ST6GALNAC5: variants seen among roughly 807,000 people sequenced by gnomAD.
ST6GALNAC5 encodes ST6 N-acetylgalactosaminide alpha-2,6-sialyltransferase 5, also known as alpha-N-acetylgalactosaminide alpha-2,6-sialyltransferase 5.
A neutral mutation model predicts 33.6 loss-of-function variants in ST6GALNAC5; 27 were observed. The observed-to-expected ratio is 0.80, with a 90% confidence interval of 0.59 to 1.11. The LOEUF is 1.11. Ranked by LOEUF, ST6GALNAC5 falls within the 50% of genes least tolerant of loss-of-function variation. The pLI is 0.00. For missense variants in ST6GALNAC5, 428 were observed against 454.0 expected, an observed-to-expected ratio of 0.94 and a Z score of 0.52; for synonymous variants, 194 against 171.2, an observed-to-expected ratio of 1.13 and a Z score of -1.04.
At chr1:76,968,669 C>T (rs1648607115) in intron 2 of ST6GALNAC5, among the ~76,000 whole-genome samples, 1 of 152,136 alleles carries the variant, frequency 6.6e-6, no homozygotes, top group African/African-American at 2.4e-5. Context: ...CAGTTTCTTC[C>T]TAGCATTGAT....
At chr1:76,962,191 T>A (rs146576709) in intron 2 of ST6GALNAC5, among the ~76,000 whole-genome samples, 27 of 152,288 alleles carry the variant, frequency 1.8e-4, no homozygotes, top group African/African-American at 6.5e-4. Flanking sequence ...AAGATGAAAG[T>A]TGAGGAAGAA....
At chr1:76,898,300 C>T (rs1646776964) in intron 2 of ST6GALNAC5, among the ~76,000 whole-genome samples, 1 of 152,178 alleles carries the variant, frequency 6.6e-6, no homozygotes. Flanking sequence ...CTTTGGAGTT[C>T]TTGTGTGCTG....
At chr1:76,955,044 G>A (rs1290235138) in intron 2 of ST6GALNAC5, among the ~76,000 whole-genome samples, 1 of 152,140 alleles carries the variant, frequency 6.6e-6, no homozygotes, top group Non-Finnish European at 1.5e-5. Context: ...CCAGTGAAGA[G>A]GTGGACAGTG....
chr1:77,040,670 G>A (rs1651803219), intron 2 of ST6GALNAC5, among the ~76,000 whole-genome samples: 1 of 152,182 alleles, frequency 6.6e-6, no homozygotes, highest in African/African-American at 2.4e-5. Flanking sequence ...ATTAATTAAG[G>A]GGAAAGAGAT....
chr1:76,951,415 G>A (rs931857599), intron 2 of ST6GALNAC5, among the ~76,000 whole-genome samples: 3 of 152,084 alleles, frequency 2.0e-5, no homozygotes, highest in Non-Finnish European at 4.4e-5. Flanking sequence ...ATAAGTGGGA[G>A]TTGAGCAATT....
chr1:76,922,226 T>C (rs547204312), intron 2 of ST6GALNAC5, among the ~76,000 whole-genome samples: 13 of 152,262 alleles, frequency 8.5e-5, no homozygotes, highest in Non-Finnish European at 1.5e-4. Context: ...ACGATGAACA[T>C]GTGGAAATAG....
chr1:76,898,583 C>T (rs1180640680), intron 2 of ST6GALNAC5, among the ~76,000 whole-genome samples: 2 of 152,070 alleles, frequency 1.3e-5, no homozygotes, highest in Non-Finnish European at 2.9e-5. Flanking sequence ...GCCGAACGAG[C>T]CATGAACTGG....
intron 2 of ST6GALNAC5, among the ~76,000 whole-genome samples, chr1:76,871,716 C>T (rs376722811): frequency 1.8e-4 from 28 of 152,238 alleles, no homozygotes; most frequent in African/African-American, 6.7e-4. Flanking sequence ...TGGTCATATT[C>T]TCTACTTCCT....
intron 2 of ST6GALNAC5, among the ~76,000 whole-genome samples, chr1:76,974,262 G>T (rs147790315): frequency 0.011 from 1,614 of 145,522 alleles, 34 homozygotes; most frequent in African/African-American, 0.038. Flanking sequence ...TCCCAGGCTG[G>T]ATTGCAATGG....
chr1:76,914,435 A>C (rs2100286532), intron 2 of ST6GALNAC5, among the ~76,000 whole-genome samples: 1 of 152,342 alleles, frequency 6.6e-6, no homozygotes, highest in East Asian at 1.9e-4. Context: ...ACCTGACTTC[A>C]AACTCTACTA....
intron 2 of ST6GALNAC5, among the ~76,000 whole-genome samples, chr1:76,932,387 AG>A (rs1647152967): frequency 6.6e-6 from 1 of 152,138 alleles, no homozygotes; most frequent in Non-Finnish European, 1.5e-5. Context: ...GATGCGTCAC[AG>A]GTGTGGGGGA....
intron 2 of ST6GALNAC5, among the ~76,000 whole-genome samples, chr1:77,017,671 C>A (rs973439167): frequency 6.6e-6 from 1 of 152,054 alleles, no homozygotes; most frequent in Non-Finnish European, 1.5e-5. Context: ...AGGTTTGTGT[C>A]CTTATGTTGT....
intron 2 of ST6GALNAC5, among the ~76,000 whole-genome samples, chr1:76,987,347 G>A (rs550978514): frequency 3.0e-4 from 45 of 152,132 alleles, no homozygotes; most frequent in African/African-American, 9.2e-4. Flanking sequence ...GATTTTCAGC[G>A]TCATTCATCA....
In ST6GALNAC5 at chr1:77,064,489, T is replaced by C. The variant is rs1217904696; in HGVS notation, c.*1283T>C. On this transcript the variant is annotated 3_prime_UTR_variant, in exon 5 of 5. Coordinates refer to ENST00000477717, the MANE Select transcript of ST6GALNAC5 (RefSeq NM_030965.3). ...GGCTACAATAGCAAACAGCTGCCCT[T>C]CTGTGAGGAAAAGAGACTACAAGGA... The C allele has an allele frequency of 6.6e-6, 1 of 152,122 alleles. No individual in the cohort carries two copies. The highest frequency in any genetic ancestry group is 6.6e-5 in the Admixed American group (1 of 15,256). 9.4% of individuals were successfully genotyped at this position (152,122 alleles called of 1,614,324 possible).
At chr1:76,980,571 G>A (rs903256119) in intron 2 of ST6GALNAC5, among the ~76,000 whole-genome samples, 1 of 152,014 alleles carries the variant, frequency 6.6e-6, no homozygotes, top group Admixed American at 6.6e-5. Flanking sequence ...TTTTCCTACT[G>A]GATGTGTCAA....
At chr1:77,058,244 G>T (rs564099295) in intron 4 of ST6GALNAC5, among the ~76,000 whole-genome samples, 9 of 152,350 alleles carry the variant, frequency 5.9e-5, no homozygotes, top group African/African-American at 1.9e-4. Context: ...TTCCTCGTCT[G>T]CAGAGTAGGG....
chr1:76,959,665 CAG>C (rs1049583014), intron 2 of ST6GALNAC5, among the ~76,000 whole-genome samples: 2 of 152,174 alleles, frequency 1.3e-5, no homozygotes, highest in African/African-American at 2.4e-5. Flanking sequence ...CTCATTTCTG[CAG>C]AGTTTGTCAA....
chr1:76,959,645 A>G (rs919933120), intron 2 of ST6GALNAC5, among the ~76,000 whole-genome samples: 2 of 152,192 alleles, frequency 1.3e-5, no homozygotes, highest in South Asian at 2.1e-4. Flanking sequence ...GTCTCTTGGC[A>G]CTTGAGGCTC....
intron 2 of ST6GALNAC5, among the ~76,000 whole-genome samples, chr1:76,909,424 A>G (rs543867729): frequency 6.6e-6 from 1 of 152,244 alleles, no homozygotes; most frequent in South Asian, 2.1e-4. Flanking sequence ...TACATAAAAT[A>G]TAATGTAAAT....
Sources: gnomAD v4.1 joint callset for allele counts (sites outside exome capture counted in the v4.1 genomes callset) on GRCh38, gnomAD v4.1.1 for gene constraint, MANE v1.5 for transcripts, NCBI Gene and HGNC (gene_info 2026-07-23, HGNC 2026-07-21) for gene names.